POU6F2: variants seen among roughly 807,000 people sequenced by gnomAD.
The protein encoded by POU6F2 is POU class 6 homeobox 2, also known as POU domain, class 6, transcription factor 2.
POU6F2 carries 31 observed loss-of-function variants against 71.3 expected under a neutral mutation model. That is an observed-to-expected ratio of 0.43 (90% CI 0.33 to 0.59). The LOEUF (loss-of-function observed/expected upper bound fraction) is 0.59, where lower values mean the gene tolerates loss of function less well. POU6F2 is among the 20% of genes least tolerant of loss of function. The pLI, the probability that POU6F2 is intolerant of heterozygous loss-of-function variation, is 0.04. For missense variants in POU6F2, 783 were observed against 856.8 expected (o/e 0.91, Z 1.07); for synonymous variants, 347 against 355.7 (o/e 0.98, Z 0.27).
intron 4 of POU6F2, among the ~76,000 whole-genome samples, chr7:39,327,289 A>C (rs998563439): frequency 1.1e-4 from 17 of 151,872 alleles, no homozygotes; most frequent in Non-Finnish European, 2.2e-4. Context: ...AAAAAAAAAA[A>C]AAACAGAAAT....
rs547634968 is a variant in POU6F2 at position 39,233,891 on chromosome 7, T to A, written c.598+26271T>A. On this transcript the variant is annotated intron_variant, in intron 4 of 9. Transcript: ENST00000518318. ...GTTTTCCGGGCTTCTGGTTGTGAAA[T>A]CAGAGCATGGGGATATTTCCTCTGA... Among the ~76,000 whole-genome samples the A allele has an allele frequency of 5.9e-5, 9 of 152,318 alleles. No individual in the cohort carries two copies. In the East Asian group the frequency reaches 1.7e-3, roughly 29 times the overall value.
At chr7:39,140,952 C>T (rs1470393532) in intron 2 of POU6F2, among the ~76,000 whole-genome samples, 1 of 152,052 alleles carries the variant, frequency 6.6e-6, no homozygotes, top group Non-Finnish European at 1.5e-5. Context: ...AACACAGGGG[C>T]CCATGCCTAC....
At chr7:39,457,131 G>A (rs2116147056) in intron 8 of POU6F2, among the ~76,000 whole-genome samples, 1 of 152,314 alleles carries the variant, frequency 6.6e-6, no homozygotes, top group South Asian at 2.1e-4. Context: ...GAACTAGTAA[G>A]GACACATAAA....
At chr7:39,183,990 G>C (rs992378340) in intron 2 of POU6F2, among the ~76,000 whole-genome samples, 2 of 152,026 alleles carry the variant, frequency 1.3e-5, no homozygotes, top group African/African-American at 4.8e-5. Flanking sequence ...ACCTGATTAA[G>C]GTCCGTAAGT....
chr7:39,229,182 C>A (rs1562755428), intron 4 of POU6F2, among the ~76,000 whole-genome samples: 3 of 152,150 alleles, frequency 2.0e-5, no homozygotes. Flanking sequence ...TTGACATTTG[C>A]CTGTGAATAC....
intron 2 of POU6F2, among the ~76,000 whole-genome samples, chr7:39,188,343 C>T (rs930054420): frequency 1.3e-5 from 2 of 152,068 alleles, no homozygotes; most frequent in Admixed American, 6.6e-5. Context: ...GACAGAGTCT[C>T]GCTCTGTTGC....
intron 4 of POU6F2, among the ~76,000 whole-genome samples, chr7:39,261,193 G>A (rs1319908101): frequency 2.0e-5 from 3 of 151,960 alleles, no homozygotes; most frequent in Non-Finnish European, 4.4e-5. Flanking sequence ...TTCCACAACT[G>A]CCAGGGCTCA....
chr7:39,139,691 A>C (rs1271307477), intron 2 of POU6F2, among the ~76,000 whole-genome samples: 1 of 152,196 alleles, frequency 6.6e-6, no homozygotes, highest in Non-Finnish European at 1.5e-5. Flanking sequence ...ATGTGCAAAC[A>C]GAAGAGGATT....
intron 2 of POU6F2, among the ~76,000 whole-genome samples, chr7:39,093,091 T>C (rs1233546467): frequency 1.3e-5 from 2 of 152,070 alleles, no homozygotes; most frequent in Middle Eastern, 3.2e-3. Flanking sequence ...TTTTCCTTCT[T>C]AAGTGATTTT....
chr7:39,276,365 C>G (rs1246864279), intron 4 of POU6F2, among the ~76,000 whole-genome samples: 1 of 152,300 alleles, frequency 6.6e-6, no homozygotes, highest in East Asian at 1.9e-4. Context: ...TCATCTCACA[C>G]CAGTTAGAAT....
At chr7:39,384,418 A>C (rs779323226) in intron 5 of POU6F2, among the ~76,000 whole-genome samples, 1 of 152,226 alleles carries the variant, frequency 6.6e-6, no homozygotes, top group Non-Finnish European at 1.5e-5. Context: ...ATCATGTCTG[A>C]AGACTATAGA....
chr7:39,221,976 AT>A (rs531118796), intron 4 of POU6F2, among the ~76,000 whole-genome samples: 8 of 152,026 alleles, frequency 5.3e-5, no homozygotes, highest in Non-Finnish European at 1.0e-4. Context: ...AATAAGCTAT[AT>A]TTTTTTCTGG....
intron 4 of POU6F2, among the ~76,000 whole-genome samples, chr7:39,236,324 G>A (rs560121713): frequency 6.6e-6 from 1 of 152,116 alleles, no homozygotes; most frequent in Non-Finnish European, 1.5e-5. Context: ...TAATATCATA[G>A]CACTTATATA....
At chr7:38,994,614 A>T (rs1562658819) in intron 1 of POU6F2, among the ~76,000 whole-genome samples, 1 of 152,064 alleles carries the variant, frequency 6.6e-6, no homozygotes, top group Non-Finnish European at 1.5e-5. Context: ...TGGAGGTGCT[A>T]ATCAGTGACA....
At chr7:39,319,557 G>A (rs888579456) in intron 4 of POU6F2, among the ~76,000 whole-genome samples, 6 of 152,092 alleles carry the variant, frequency 3.9e-5, no homozygotes, top group Non-Finnish European at 8.8e-5. Flanking sequence ...ATCTCAGGTG[G>A]GCCATGCTAG....
chr7:39,235,468 C>T (rs1794658650), intron 4 of POU6F2, among the ~76,000 whole-genome samples: 2 of 152,140 alleles, frequency 1.3e-5, no homozygotes, highest in Admixed American at 1.3e-4. Context: ...CAAGGTCTCC[C>T]TGCCTTCACC....
intron 7 of POU6F2, among the ~76,000 whole-genome samples, chr7:39,434,631 G>T (rs1048750596): frequency 1.3e-5 from 2 of 149,352 alleles, no homozygotes; most frequent in African/African-American, 2.5e-5. Context: ...TTGTTTTTGG[G>T]TTTTTTTTAA....
At chr7:39,255,891 G>A (rs917733055) in intron 4 of POU6F2, among the ~76,000 whole-genome samples, 8 of 152,170 alleles carry the variant, frequency 5.3e-5, no homozygotes, top group Non-Finnish European at 1.2e-4. Flanking sequence ...GTGAGCAACT[G>A]TATCTTCTGC....
At chr7:39,006,649 T>A in intron 1 of POU6F2, 1 of 570,248 alleles carries the variant, frequency 1.8e-6, no homozygotes, top group Non-Finnish European at 3.1e-6. Flanking sequence ...CAGAACCTAG[T>A]TGTTTAGTGT....
Sources: allele counts gnomAD v4.1 joint callset (sites outside exome capture counted in the v4.1 genomes callset), GRCh38; gene constraint gnomAD v4.1.1; transcripts MANE v1.5; gene names NCBI Gene and HGNC (gene_info 2026-07-23, HGNC 2026-07-21).